Variants in ALDH1A2 observed in about 807,000 individuals in gnomAD.
ALDH1A2 encodes the protein retinal dehydrogenase 2.
ALDH1A2 carries 27 observed loss-of-function variants against 60.3 expected under a neutral mutation model. The observed-to-expected ratio is 0.45, with a 90% CI of 0.33 to 0.62. The LOEUF (loss-of-function observed/expected upper bound fraction) is 0.62. ALDH1A2 is among the 20% of genes least tolerant of loss of function. The probability of loss-of-function intolerance (pLI) is 0.02; values close to 1 mark genes in which losing one functional copy is unlikely to be tolerated. For synonymous variants in ALDH1A2, 289 were observed against 232.4 expected (o/e 1.24, Z -2.21); for missense variants, 581 against 643.8 (o/e 0.90, Z 1.06).
intron 7 of ALDH1A2, among the ~76,000 whole-genome samples, chr15:57,966,842 C>G (rs1196698756): frequency 2.0e-5 from 3 of 152,212 alleles, no homozygotes; most frequent in Non-Finnish European, 4.4e-5. Flanking sequence ...ATCCTGCAAG[C>G]TAAACTCCAA....
At chr15:58,030,568 G>T (rs1445134262) in intron 1 of ALDH1A2, among the ~76,000 whole-genome samples, 1 of 152,048 alleles carries the variant, frequency 6.6e-6, no homozygotes, top group African/African-American at 2.4e-5. Context: ...AGAAATAAAG[G>T]GTATCTAATT....
At chr15:57,965,006 G>A (rs1158630996) in intron 8 of ALDH1A2, among the ~76,000 whole-genome samples, 1 of 151,282 alleles carries the variant, frequency 6.6e-6, no homozygotes, top group African/African-American at 2.4e-5. Context: ...CTGGCAACAA[G>A]TGGAGGGAAA....
At chr15:58,030,332 T>C (rs1285407723) in intron 1 of ALDH1A2, among the ~76,000 whole-genome samples, 2 of 152,162 alleles carry the variant, frequency 1.3e-5, no homozygotes, top group African/African-American at 4.8e-5. Flanking sequence ...TTCAACAAAA[T>C]TCAACAGCTC....
At position 57,953,497 on chromosome 15, in the gene ALDH1A2, T is replaced by G. The variant is rs761360535; in HGVS notation, c.*1700A>C. Reference sequence around the variant, plus strand: ...TAAGTAAATTAAAAGAAATAAATCTTCATTTTCACATTTTTTGTTGCAGTC... The same window carrying G: ...TAAGTAAATTAAAAGAAATAAATCTGCATTTTCACATTTTTTGTTGCAGTC... On this transcript the variant is annotated 3_prime_UTR_variant, in exon 13 of 13. Transcript: ENST00000249750. 5 of 152,790 alleles carry G rather than the reference T, an allele frequency of 3.3e-5. No homozygotes were observed. The highest frequency in any genetic ancestry group is 7.3e-5 in the Non-Finnish European group (5 of 68,054). 9.5% of individuals were successfully genotyped at this position (152,790 alleles called of 1,614,324 possible).
chr15:57,995,198 G>A, intron 4 of ALDH1A2, 59 bp from the exon 5 acceptor site: 2 of 1,014,926 alleles, frequency 2.0e-6, no homozygotes, highest in Non-Finnish European at 2.9e-6. Flanking sequence ...AAAATGCAAA[G>A]GGAGAACTTT....
At chr15:58,040,023 A>G (rs1217023973) in intron 1 of ALDH1A2, among the ~76,000 whole-genome samples, 1 of 151,890 alleles carries the variant, frequency 6.6e-6, no homozygotes, top group Non-Finnish European at 1.5e-5. Flanking sequence ...CGGTTCTAAT[A>G]ATAAAATTTG....
chr15:57,955,572 A>G (rs532193763), intron 12 of ALDH1A2, among the ~76,000 whole-genome samples: 1 of 152,352 alleles, frequency 6.6e-6, no homozygotes, highest in South Asian at 2.1e-4. Context: ...TCAATTACTC[A>G]GAGAACTACC....
In ALDH1A2 at chr15:57,962,245, A is replaced by G. The variant is rs937356039; in HGVS notation, c.1087-69T>C. On this transcript the variant is annotated intron_variant, in intron 9 of 12. Coordinates refer to ENST00000249750, the MANE Select transcript of ALDH1A2 (RefSeq NM_003888.4). ...GAAAATGGAAATAAGTATGTTCTTG[A>G]GAATCTTTCATTTTAGGGTTTTTTT... The G allele has an allele frequency of 3.2e-6, 5 of 1,573,564 alleles. 1 individual carries two copies. In the Admixed American group the frequency reaches 6.7e-5, roughly 21 times the overall value.
chr15:58,032,299 G>C (rs1896261094), intron 1 of ALDH1A2, among the ~76,000 whole-genome samples: 1 of 151,992 alleles, frequency 6.6e-6, no homozygotes, highest in South Asian at 2.1e-4. Flanking sequence ...GGTGGGAATT[G>C]AACAATGAGA....
rs957095388 is a variant in ALDH1A2 at position 58,008,126 on chromosome 15, C to G, written c.493+2523G>C. ...TCCTTCCCTCATCTGTTTGAGACAC[C>G]ATGGAGAGAGCTCTTATGACCCAAA... On this transcript the variant is annotated intron_variant, in intron 4 of 12. Coordinates refer to ENST00000249750, the MANE Select transcript of ALDH1A2 (RefSeq NM_003888.4). 1.2e-4 allele frequency among the ~76,000 whole-genome samples: 19 copies of G among 152,118 alleles called. No homozygotes were observed. In the Middle Eastern group the frequency reaches 0.01, roughly 82 times the overall value.
chr15:57,988,795 G>GCAT (rs1478328659), intron 7 of ALDH1A2, among the ~76,000 whole-genome samples: 3 of 152,172 alleles, frequency 2.0e-5, no homozygotes, highest in African/African-American at 7.2e-5. Flanking sequence ...AAGCACTTAT[G>GCAT]GTTTTATGGA....
intron 3 of ALDH1A2, among the ~76,000 whole-genome samples, chr15:58,013,536 C>T (rs1279762105): frequency 6.6e-6 from 1 of 151,964 alleles, no homozygotes; most frequent in Non-Finnish European, 1.5e-5. Context: ...TTCAAAGTAT[C>T]CTTTTAGGAG....
chr15:57,967,305 G>C (rs1283958190), intron 7 of ALDH1A2, among the ~76,000 whole-genome samples: 1 of 151,934 alleles, frequency 6.6e-6, no homozygotes, highest in Middle Eastern at 3.2e-3. Context: ...ATTATATTTT[G>C]AGGATTAAGT....
chr15:58,058,498 C>G (rs1338372208), intron 1 of ALDH1A2, among the ~76,000 whole-genome samples: 3 of 148,122 alleles, frequency 2.0e-5, no homozygotes, highest in African/African-American at 7.5e-5. Context: ...CTAAGAGTCA[C>G]TGGACTTGAA....
rs374758581 is a variant in ALDH1A2, at chr15:57,961,257, G to C, written c.1289C>G (p.Thr430Arg). The change falls in exon 11 of 13, where the codon ACG (threonine) becomes AGG (arginine). Residue 430 changes from threonine (T) to arginine (R), a missense_variant. Thr to Arg is a moderately conservative substitution (Grantham distance 71). Transcript: ENST00000249750. The part of the protein sequence containing the change: ...GPVQEILRFK[T>R]MDEVIERANN... ...GGCTCTTTCGATAACTTCATCCATC[G>C]TCTTAAATCTCAAAATTTCCTGAAC... 1 of 1,614,050 alleles carries C rather than the reference G, an allele frequency of 6.2e-7. No homozygotes were observed. Among genetic ancestry groups the C allele is most frequent in the Non-Finnish European group, 8.5e-7 (1 of 1,179,976 alleles).
chr15:57,965,639 G>C, intron 8 of ALDH1A2, 86 bp downstream of exon 8: 1 of 985,886 alleles, frequency 1.0e-6, no homozygotes, highest in African/African-American at 1.6e-5. Flanking sequence ...AATATCTTTT[G>C]CTAGTGTCCC....
At chr15:57,992,264 GTGC>G (rs1894920890) in intron 7 of ALDH1A2, among the ~76,000 whole-genome samples, 1 of 152,142 alleles carries the variant, frequency 6.6e-6, no homozygotes, top group Non-Finnish European at 1.5e-5. Flanking sequence ...GAAAAAAAAT[GTGC>G]TGAGCCCTGC....
At chr15:58,040,337 C>G (rs1188908602) in intron 1 of ALDH1A2, among the ~76,000 whole-genome samples, 3 of 151,880 alleles carry the variant, frequency 2.0e-5, no homozygotes, top group African/African-American at 7.2e-5. Flanking sequence ...TCAGGTCCAA[C>G]TATACGATGA....
intron 7 of ALDH1A2, among the ~76,000 whole-genome samples, chr15:57,971,391 C>T (rs1894061972): frequency 6.6e-6 from 1 of 152,180 alleles, no homozygotes; most frequent in Non-Finnish European, 1.5e-5. Context: ...ATAGCTGTCT[C>T]CCCGACTACA....
Sources: allele counts gnomAD v4.1 joint callset (sites outside exome capture counted in the v4.1 genomes callset), GRCh38; gene constraint gnomAD v4.1.1; transcripts MANE v1.5; gene names NCBI Gene and HGNC (gene_info 2026-07-23, HGNC 2026-07-21).